Variants in SPATA16 observed in about 807,000 individuals in gnomAD.
The protein encoded by SPATA16 is spermatogenesis-associated protein 16.
SPATA16 carries 36 observed loss-of-function variants against 63.3 expected under a neutral mutation model. That is an observed-to-expected ratio of 0.57 (90% CI 0.44 to 0.75). The LOEUF is 0.75. SPATA16 is among the 30% of genes least tolerant of loss of function. SPATA16 has a pLI of 0.00. For synonymous variants in SPATA16, 203 were observed against 216.7 expected (o/e 0.94, Z 0.56); for missense variants, 646 against 679.3 (o/e 0.95, Z 0.54).
At chr3:173,022,205 A>G (rs935218018) in intron 3 of SPATA16, among the ~76,000 whole-genome samples, 2 of 152,130 alleles carry the variant, frequency 1.3e-5, no homozygotes, top group African/African-American at 2.4e-5. Context: ...ATTACTTGTA[A>G]TTATAATTCC....
rs1560101141 is a variant in SPATA16, at chr3:173,028,077, T to TCC, written c.759-8503_759-8502insGG. ...TTCCTTCCTTCCTTCCTTCCTTCCT[T>TCC]TCTCTCTCTCTCTTTCTTTCTTTCA... On this transcript the variant is annotated intron_variant, in intron 3 of 10. Transcript: ENST00000351008. Among the ~76,000 whole-genome samples, 74 of 100,370 alleles carry TCC rather than the reference T, an allele frequency of 7.4e-4. No individual in the cohort carries two copies. In the East Asian group the frequency reaches 9.0e-3, roughly 12 times the overall value. The allele number at this position is 100,370 out of a possible 152,430, so 65.8% of individuals were successfully genotyped here.
At chr3:173,088,072 TTCTTTCTG>T (rs1737121696) in intron 2 of SPATA16, among the ~76,000 whole-genome samples, 29 of 128,202 alleles carry the variant, frequency 2.3e-4, no homozygotes, top group South Asian at 7.5e-4. Context: ...CTTTCTTTCT[TTCTTTCTG>T]TCTTTTCTTT....
At chr3:173,033,278 G>A (rs1372675875) in intron 3 of SPATA16, among the ~76,000 whole-genome samples, 2 of 152,080 alleles carry the variant, frequency 1.3e-5, no homozygotes, top group Non-Finnish European at 2.9e-5. Context: ...TGGATAGAGT[G>A]AACGTGAAAT....
chr3:173,105,853 CTG>C (rs1309342689), intron 2 of SPATA16, among the ~76,000 whole-genome samples: 1 of 143,892 alleles, frequency 6.9e-6, no homozygotes, highest in Non-Finnish European at 1.5e-5. Context: ...CTCTTTTCCT[CTG>C]TGTTTATATT....
At chr3:172,998,686 CTT>C in intron 4 of SPATA16, among the ~76,000 whole-genome samples, 1 of 152,044 alleles carries the variant, frequency 6.6e-6, no homozygotes, top group African/African-American at 2.4e-5. Flanking sequence ...TTTTTGTAGA[CTT>C]TTTTTAAAAA....
At chr3:172,973,882 G>A (rs759948316) in intron 5 of SPATA16, among the ~76,000 whole-genome samples, 1 of 152,130 alleles carries the variant, frequency 6.6e-6, no homozygotes, top group Non-Finnish European at 1.5e-5. Flanking sequence ...CAGATGCCTG[G>A]ATGTCGGGTT....
At chr3:172,984,808 A>G (rs1394903049) in intron 4 of SPATA16, among the ~76,000 whole-genome samples, 1 of 152,176 alleles carries the variant, frequency 6.6e-6, no homozygotes, top group African/African-American at 2.4e-5. Flanking sequence ...CTAGATTCTC[A>G]ATTGGTAACA....
At chr3:173,115,879 T>C (rs1737883508) in intron 2 of SPATA16, among the ~76,000 whole-genome samples, 1 of 151,522 alleles carries the variant, frequency 6.6e-6, no homozygotes, top group African/African-American at 2.4e-5. Flanking sequence ...TCAATTACTC[T>C]TGTGGGCATT....
chr3:173,007,110 T>C (rs1446799787), intron 4 of SPATA16, among the ~76,000 whole-genome samples: 3 of 152,070 alleles, frequency 2.0e-5, no homozygotes, highest in Admixed American at 1.3e-4. Flanking sequence ...CAAAATAAAA[T>C]AAAACAAAAG....
At chr3:173,018,138 G>A (rs185684358) in intron 4 of SPATA16, among the ~76,000 whole-genome samples, 27 of 152,272 alleles carry the variant, frequency 1.8e-4, no homozygotes, top group Middle Eastern at 6.8e-3. Context: ...AAAAGATGTT[G>A]TGGCATTTTG....
intron 2 of SPATA16, among the ~76,000 whole-genome samples, chr3:173,072,458 C>T (rs1490215060): frequency 6.6e-6 from 1 of 152,138 alleles, no homozygotes; most frequent in African/African-American, 2.4e-5. Flanking sequence ...CCATATGTTG[C>T]AGAAGAGACC....
chr3:172,928,562 A>G (rs1732792921), intron 6 of SPATA16, among the ~76,000 whole-genome samples: 3 of 152,216 alleles, frequency 2.0e-5, no homozygotes, highest in Non-Finnish European at 4.4e-5. Context: ...GATAGATAGC[A>G]TAAAGACTTT....
chr3:172,897,448 T>C (rs1732030587), intron 10 of SPATA16, among the ~76,000 whole-genome samples: 1 of 152,146 alleles, frequency 6.6e-6, no homozygotes. Flanking sequence ...TCTCCATTTA[T>C]TTAGATCTTT....
At chr3:172,996,304 G>C (rs766763041) in intron 4 of SPATA16, among the ~76,000 whole-genome samples, 2 of 152,010 alleles carry the variant, frequency 1.3e-5, no homozygotes, top group Non-Finnish European at 2.9e-5. Flanking sequence ...AGTTGCCCAA[G>C]GTGGTATCTG....
intron 1 of SPATA16, among the ~76,000 whole-genome samples, chr3:173,121,042 A>AAT (rs1738053457): frequency 1.3e-5 from 2 of 152,172 alleles, no homozygotes; most frequent in Non-Finnish European, 2.9e-5. Context: ...AATTATTCCC[A>AAT]ATATATATAA....
chr3:172,984,932 T>G (rs1316240225), intron 4 of SPATA16, among the ~76,000 whole-genome samples: 1 of 152,196 alleles, frequency 6.6e-6, no homozygotes, highest in Non-Finnish European at 1.5e-5. Context: ...AAAATCAAGC[T>G]ATAACTTGAA....
At chr3:172,905,549 G>A (rs1401290579) in intron 10 of SPATA16, among the ~76,000 whole-genome samples, 3 of 152,154 alleles carry the variant, frequency 2.0e-5, no homozygotes, top group Non-Finnish European at 4.4e-5. Context: ...ATTCTCTCCT[G>A]TTTGCTTTGC....
At chr3:173,089,368 T>G (rs868499465) in intron 2 of SPATA16, among the ~76,000 whole-genome samples, 2 of 152,320 alleles carry the variant, frequency 1.3e-5, no homozygotes, top group Middle Eastern at 6.8e-3. Flanking sequence ...TTAGCTTCAC[T>G]ATACAAATGT....
chr3:173,051,303 A>G (rs1044779867), intron 2 of SPATA16, among the ~76,000 whole-genome samples: 2 of 152,150 alleles, frequency 1.3e-5, no homozygotes, highest in Non-Finnish European at 2.9e-5. Flanking sequence ...CCCGGGTTCA[A>G]GCGATTCTCC....
Sources: allele counts gnomAD v4.1 joint callset (sites outside exome capture counted in the v4.1 genomes callset), GRCh38; gene constraint gnomAD v4.1.1; transcripts MANE v1.5; gene names NCBI Gene and HGNC (gene_info 2026-07-23, HGNC 2026-07-21).